PRKAG2: variants seen among roughly 807,000 people sequenced by gnomAD.
The protein encoded by PRKAG2 is protein kinase AMP-activated non-catalytic subunit gamma 2, also known as 5'-AMP-activated protein kinase subunit gamma-2.
In PRKAG2, 26 loss-of-function variants were observed where a neutral mutation model predicts 69.6. The ratio of observed to expected loss-of-function variants is 0.37; its 90% CI spans 0.27 to 0.52. The LOEUF is 0.52. Among genes scored for constraint, PRKAG2 ranks in the 20% least tolerant of loss-of-function variants. The pLI is 0.90. For synonymous variants in PRKAG2, 293 were observed against 285.0 expected (o/e 1.03, Z -0.28); for missense variants, 557 against 740.0 (o/e 0.75, Z 2.87).
At chr7:151,716,183 G>T (rs59451138) in intron 3 of PRKAG2, among the ~76,000 whole-genome samples, 1,753 of 152,298 alleles carry the variant, frequency 0.012, 31 homozygotes, top group African/African-American at 0.04. Context: ...AAATCAGGAA[G>T]TTCACAGGCT....
intron 14 of PRKAG2, 65 bp from the exon 15 acceptor site, chr7:151,560,682 A>T (rs1804743930): frequency 1.3e-6 from 2 of 1,580,732 alleles, no homozygotes; most frequent in Non-Finnish European, 1.7e-6. Flanking sequence ...TGGACATGAG[A>T]AATAATGTCC....
At chr7:151,663,303 A>T (rs1209936775) in intron 4 of PRKAG2, among the ~76,000 whole-genome samples, 1 of 152,126 alleles carries the variant, frequency 6.6e-6, no homozygotes, top group Non-Finnish European at 1.5e-5. Flanking sequence ...TAATTCTATA[A>T]CGCTCTGAAG....
At chr7:151,656,555 C>CA (rs1167836759) in intron 4 of PRKAG2, among the ~76,000 whole-genome samples, 1 of 152,186 alleles carries the variant, frequency 6.6e-6, no homozygotes, top group Admixed American at 6.5e-5. Flanking sequence ...GACTGCATCT[C>CA]AAAACAATAA....
intron 5 of PRKAG2, among the ~76,000 whole-genome samples, chr7:151,621,684 T>C (rs1453097396): frequency 1.3e-5 from 2 of 152,128 alleles, no homozygotes; most frequent in African/African-American, 2.4e-5. Context: ...GCAATCCTCC[T>C]ATCTCAGCCT....
intron 3 of PRKAG2, among the ~76,000 whole-genome samples, chr7:151,759,762 G>C (rs1399110324): frequency 6.6e-6 from 1 of 152,214 alleles, no homozygotes; most frequent in Non-Finnish European, 1.5e-5. Context: ...AGAAAAACCA[G>C]AGGTGGGCTC....
intron 10 of PRKAG2, among the ~76,000 whole-genome samples, chr7:151,569,968 C>T (rs1807162278): frequency 6.6e-6 from 1 of 152,164 alleles, no homozygotes; most frequent in Admixed American, 6.5e-5. Context: ...TATTACTAGA[C>T]CATTATCCAT....
chr7:151,725,999 A>G (rs910647057), intron 3 of PRKAG2, among the ~76,000 whole-genome samples: 1 of 152,188 alleles, frequency 6.6e-6, no homozygotes, highest in Non-Finnish European at 1.5e-5. Context: ...GTTACAAACC[A>G]GGTCCTGCTA....
Position 151,771,274 on chromosome 7 carries a change from C to T in PRKAG2, c.466+9878G>A, listed in dbSNP as rs983121836. 6.6e-6 allele frequency among the ~76,000 whole-genome samples: 1 copy of T among 152,168 alleles called. No homozygotes were observed. Among genetic ancestry groups the T allele is most frequent in the African/African-American group, 2.4e-5 (1 of 41,432 alleles). ...ACATTTTTGGCATTTTAAAATAAAA[C>T]ATTATATCACTTCTATCAGCACCAC... On this transcript the variant is annotated intron_variant, in intron 3 of 15. Transcript: ENST00000287878. This position sits in a 1 kb window ranked among gnomAD's most constrained non-coding sequence, Gnocchi z 4.0.
intron 15 of PRKAG2, chr7:151,559,468 C>T: frequency 1.0e-6 from 1 of 984,912 alleles, no homozygotes; most frequent in Non-Finnish European, 1.2e-6. Flanking sequence ...TGGGACGGGG[C>T]CCCAACATGA....
chr7:151,863,234 A>G (rs1442463453), intron 1 of PRKAG2, among the ~76,000 whole-genome samples: 1 of 146,494 alleles, frequency 6.8e-6, no homozygotes, highest in Non-Finnish European at 1.5e-5. Context: ...GTAAATCCCC[A>G]GGTACAGGGG....
At chr7:151,672,646 T>G (rs1832249799) in intron 4 of PRKAG2, among the ~76,000 whole-genome samples, 1 of 152,132 alleles carries the variant, frequency 6.6e-6, no homozygotes, top group Admixed American at 6.5e-5. Flanking sequence ...CTTTTGTGAC[T>G]GGCTTATTTC....
At chr7:151,647,698 C>T (rs989713458) in intron 4 of PRKAG2, among the ~76,000 whole-genome samples, 4 of 152,060 alleles carry the variant, frequency 2.6e-5, no homozygotes, top group Middle Eastern at 3.2e-3. Flanking sequence ...GATTGGAGAC[C>T]ACTGGGAGTG....
chr7:151,713,253 A>G (rs1795605552), intron 3 of PRKAG2, among the ~76,000 whole-genome samples: 1 of 152,074 alleles, frequency 6.6e-6, no homozygotes, highest in South Asian at 2.1e-4. Context: ...CATCCCTCAC[A>G]CTGTCTTCTG....
At chr7:151,871,188 G>A (rs946507201) in intron 1 of PRKAG2, among the ~76,000 whole-genome samples, 3 of 152,236 alleles carry the variant, frequency 2.0e-5, no homozygotes, top group African/African-American at 7.2e-5. Context: ...TAGGGAAGCT[G>A]CTTTTTCTTA....
At chr7:151,873,640 G>A (rs1248491445) in intron 1 of PRKAG2, among the ~76,000 whole-genome samples, 2 of 152,126 alleles carry the variant, frequency 1.3e-5, no homozygotes, top group East Asian at 1.9e-4. Flanking sequence ...TACTACTTTC[G>A]CGGTGGGCTG....
At chr7:151,713,607 C>A (rs1453513652) in intron 3 of PRKAG2, among the ~76,000 whole-genome samples, 13 of 137,762 alleles carry the variant, frequency 9.4e-5, no homozygotes, top group Non-Finnish European at 1.7e-4. Context: ...TTTTTTGAGA[C>A]AAAGTCTCGC....
At chr7:151,687,140 A>T (rs962133783) in intron 3 of PRKAG2, among the ~76,000 whole-genome samples, 1 of 152,224 alleles carries the variant, frequency 6.6e-6, no homozygotes, top group Non-Finnish European at 1.5e-5. Flanking sequence ...AGAATCTCAC[A>T]GGGGCTAATT....
intron 3 of PRKAG2, among the ~76,000 whole-genome samples, chr7:151,758,662 A>AG (rs2075243258): frequency 6.6e-6 from 1 of 152,218 alleles, no homozygotes. Flanking sequence ...AGGCACTGAT[A>AG]GACCTGGGGG....
chr7:151,782,014 G>A (rs565919461), intron 2 of PRKAG2, among the ~76,000 whole-genome samples: 2 of 152,200 alleles, frequency 1.3e-5, no homozygotes, highest in East Asian at 3.9e-4. Context: ...ACTCACGCCT[G>A]TAATCCCAGC....
Sources: gnomAD v4.1 joint callset for allele counts (sites outside exome capture counted in the v4.1 genomes callset) on GRCh38, gnomAD v4.1.1 for gene constraint, Gnocchi (gnomAD v3.1) non-coding constraint, MANE v1.5 for transcripts, NCBI Gene and HGNC (gene_info 2026-07-23, HGNC 2026-07-21) for gene names.